Variants in KAZN observed in about 807,000 individuals in gnomAD.
KAZN encodes kazrin, periplakin interacting protein, also known as kazrin.
Under a neutral mutation model 87.4 loss-of-function variants are expected in KAZN, and 40 were observed. The observed-to-expected ratio is 0.46, with a 90% CI of 0.36 to 0.60. KAZN has a LOEUF of 0.60. Among genes scored for constraint, KAZN ranks in the 20% least tolerant of loss-of-function variants. The probability of loss-of-function intolerance (pLI) is 0.00; values close to 1 mark genes in which losing one functional copy is unlikely to be tolerated. For synonymous variants in KAZN, 466 were observed against 458.3 expected (o/e 1.02, Z -0.22); for missense variants, 898 against 1,073.9 (o/e 0.84, Z 2.29).
At chr1:14,797,254 T>G (rs1477506175) in intron 1 of KAZN, among the ~76,000 whole-genome samples, 1 of 152,098 alleles carries the variant, frequency 6.6e-6, no homozygotes, top group African/African-American at 2.4e-5. Context: ...AGAGACGGGG[T>G]TTCACCATGT....
chr1:14,852,216 A>G (rs78317465), intron 1 of KAZN, among the ~76,000 whole-genome samples: 6,406 of 152,194 alleles, frequency 0.042, 163 homozygotes, highest in Middle Eastern at 0.054. Flanking sequence ...CCGGCACTGG[A>G]CAGCTCCAGG....
Position 15,032,976 on chromosome 1 carries a change from C to T in KAZN, c.419-1773C>T, listed in dbSNP as rs566030965. Among the ~76,000 whole-genome samples, 56 of 151,904 alleles carry T rather than the reference C, an allele frequency of 3.7e-4. 2 individuals carry two copies. In the South Asian group the frequency reaches 1.0e-2, roughly 27 times the overall value. On this transcript the variant is annotated intron_variant, in intron 2 of 14. Coordinates refer to ENST00000376030, the MANE Select transcript of KAZN (RefSeq NM_201628.3). ...AAAAAAGGAAAAGAAAAAAAAACTCCGGAAAAGAAAATGAATGGTTGTATC... is the reference window on the plus strand; with the variant it reads ...AAAAAAGGAAAAGAAAAAAAAACTCTGGAAAAGAAAATGAATGGTTGTATC...
At chr1:15,078,751 G>A (rs1289348245) in intron 8 of KAZN, among the ~76,000 whole-genome samples, 3 of 152,162 alleles carry the variant, frequency 2.0e-5, no homozygotes, top group East Asian at 1.9e-4. Flanking sequence ...CTCAGCTGCC[G>A]CTACGGGACC....
intron 1 of KAZN, among the ~76,000 whole-genome samples, chr1:13,963,414 T>A (rs1438419034): frequency 1.3e-5 from 2 of 152,218 alleles, no homozygotes; most frequent in Non-Finnish European, 2.9e-5. Flanking sequence ...ATCCTCTAGC[T>A]ACGTTGCTGG....
intron 2 of KAZN, among the ~76,000 whole-genome samples, chr1:15,015,404 G>C (rs1334833744): frequency 2.0e-5 from 3 of 152,156 alleles, no homozygotes. Flanking sequence ...TCCCGCCTCA[G>C]CCTCCCAAAG....
intron 2 of KAZN, among the ~76,000 whole-genome samples, chr1:14,448,980 T>C (rs1170814569): frequency 6.6e-6 from 1 of 152,206 alleles, no homozygotes; most frequent in Non-Finnish European, 1.5e-5. Flanking sequence ...AAGAAGAGAC[T>C]TGCAGGGAGG....
At chr1:14,278,170 CAA>C (rs34057998) in intron 2 of KAZN, among the ~76,000 whole-genome samples, 6 of 55,900 alleles carry the variant, frequency 1.1e-4, no homozygotes, top group Admixed American at 2.1e-4. Context: ...AACTCTGTCT[CAA>C]AAAAAAAAAA....
rs115545356 is a variant in KAZN at position 14,173,561 on chromosome 1, C to T, written c.92-6874C>T. ...CAGATTGAATCCCAGGACTATCCGC[C>T]GGAACTATTGAGAAAGAGATAGCTA... On this transcript the variant is annotated intron_variant, in intron 1 of 16. Coordinates refer to the KAZN transcript ENST00000636203. 7.1e-3 allele frequency among the ~76,000 whole-genome samples: 1,081 copies of T among 152,278 alleles called. 11 individuals are homozygous for T. The highest frequency in any genetic ancestry group is 0.024 in the African/African-American group (1,017 of 41,556).
At chr1:14,352,146 T>A (rs115511989) in intron 2 of KAZN, among the ~76,000 whole-genome samples, 3 of 152,244 alleles carry the variant, frequency 2.0e-5, no homozygotes, top group Non-Finnish European at 4.4e-5. Context: ...CATACAAGTA[T>A]AAACATTGTT....
chr1:15,027,070 CTTTTT>C (rs71000358), intron 2 of KAZN, among the ~76,000 whole-genome samples: 13 of 56,122 alleles, frequency 2.3e-4, no homozygotes, highest in African/African-American at 6.7e-4. Context: ...GCCAGTGCTT[CTTTTT>C]TTTTTTTTTT....
intron 3 of KAZN, 97 bp downstream of exon 3, chr1:15,034,982 C>G (rs1672115295): frequency 6.8e-7 from 1 of 1,468,384 alleles, no homozygotes; most frequent in African/African-American, 1.4e-5. Context: ...TCTTGAATCC[C>G]CAAACACAGA....
intron 2 of KAZN, among the ~76,000 whole-genome samples, chr1:14,274,190 G>A (rs1166220014): frequency 6.6e-6 from 1 of 152,214 alleles, no homozygotes; most frequent in Non-Finnish European, 1.5e-5. Context: ...CGTGAAAAAT[G>A]TGATGAAATG....
At chr1:14,944,052 T>G (rs1363406460) in intron 1 of KAZN, among the ~76,000 whole-genome samples, 2 of 152,000 alleles carry the variant, frequency 1.3e-5, no homozygotes, top group African/African-American at 4.8e-5. Context: ...CCAGCCTGGG[T>G]GACAGAAAGA....
chr1:14,094,444 A>G (rs1644081192), intron 1 of KAZN, among the ~76,000 whole-genome samples: 1 of 152,230 alleles, frequency 6.6e-6, no homozygotes. Context: ...TTGTGATTAC[A>G]AAAGCCTAGG....
intron 2 of KAZN, among the ~76,000 whole-genome samples, chr1:14,387,268 G>A (rs541952974): frequency 2.5e-3 from 384 of 151,974 alleles, no homozygotes; most frequent in African/African-American, 8.4e-3. Context: ...ATGTCCTCCC[G>A]TAGGTCAGAG....
intron 1 of KAZN, among the ~76,000 whole-genome samples, chr1:14,892,711 C>A (rs1654845673): frequency 1.3e-5 from 2 of 152,194 alleles, no homozygotes; most frequent in Admixed American, 6.5e-5. Flanking sequence ...GGTGTGTGTT[C>A]ATGTCCTCAG....
At chr1:14,741,974 G>T (rs1010351426) in intron 1 of KAZN, among the ~76,000 whole-genome samples, 2 of 151,644 alleles carry the variant, frequency 1.3e-5, no homozygotes, top group Non-Finnish European at 2.9e-5. Flanking sequence ...GTTTTGTTTA[G>T]GATTTTCCTT....
intron 1 of KAZN, among the ~76,000 whole-genome samples, chr1:13,923,169 A>G (rs951894724): frequency 2.0e-5 from 3 of 152,226 alleles, no homozygotes; most frequent in Admixed American, 1.3e-4. Context: ...CCTTACTGAT[A>G]ATATACACAA....
At chr1:14,264,563 C>G (rs1448526806) in intron 2 of KAZN, among the ~76,000 whole-genome samples, 1 of 152,108 alleles carries the variant, frequency 6.6e-6, no homozygotes, top group African/African-American at 2.4e-5. Flanking sequence ...TCTCTCTCTC[C>G]CACCCTCACC....
Sources: gnomAD v4.1 joint callset for allele counts (sites outside exome capture counted in the v4.1 genomes callset) on GRCh38, gnomAD v4.1.1 for gene constraint, MANE v1.5 for transcripts, NCBI Gene and HGNC (gene_info 2026-07-23, HGNC 2026-07-21) for gene names.